Variants in PPP2R2B observed in about 807,000 individuals in gnomAD.
PPP2R2B encodes the protein serine/threonine-protein phosphatase 2A 55 kDa regulatory subunit B beta isoform.
PPP2R2B carries 5 observed loss-of-function variants against 46.0 expected under a neutral mutation model. That is an observed-to-expected ratio of 0.11 (90% CI 0.06 to 0.23). PPP2R2B has a LOEUF of 0.23. Among genes scored for constraint, PPP2R2B ranks in the 10% least tolerant of loss-of-function variants. The pLI is 1.00. For synonymous variants in PPP2R2B, 215 were observed against 206.7 expected (o/e 1.04, Z -0.34); for missense variants, 367 against 575.0 (o/e 0.64, Z 3.70).
chr5:147,012,170 T>C (rs1754768730), intron 1 of PPP2R2B, among the ~76,000 whole-genome samples: 1 of 151,888 alleles, frequency 6.6e-6, no homozygotes, highest in African/African-American at 2.4e-5. Context: ...TTCCTCCTTG[T>C]ACCTCTGGTA....
intron 1 of PPP2R2B, among the ~76,000 whole-genome samples, chr5:147,025,186 A>C (rs1290916365): frequency 1.3e-5 from 2 of 152,060 alleles, no homozygotes; most frequent in African/African-American, 4.8e-5. Flanking sequence ...GTTCAGAGGA[A>C]ATAGACAATT....
intron 1 of PPP2R2B, among the ~76,000 whole-genome samples, chr5:147,038,956 T>C (rs903997572): frequency 6.6e-6 from 1 of 152,190 alleles, no homozygotes; most frequent in East Asian, 1.9e-4. Context: ...TTTGAGATTA[T>C]TGATTTTTTT....
chr5:146,838,581 A>AAG (rs1554143393), intron 2 of PPP2R2B, among the ~76,000 whole-genome samples: 43 of 151,908 alleles, frequency 2.8e-4, no homozygotes, highest in African/African-American at 9.9e-4. Context: ...AAAAAAAAAA[A>AAG]AAAGAAAAAA....
chr5:146,643,343 G>C (rs1234828269), intron 6 of PPP2R2B, among the ~76,000 whole-genome samples: 1 of 151,466 alleles, frequency 6.6e-6, no homozygotes, highest in Non-Finnish European at 1.5e-5. Context: ...AAGCCCCCCT[G>C]ATCCATGGAG....
chr5:146,608,374 A>C (rs531606527), intron 7 of PPP2R2B, among the ~76,000 whole-genome samples: 6 of 152,360 alleles, frequency 3.9e-5, no homozygotes, highest in African/African-American at 1.4e-4. Flanking sequence ...CCTGGGCTTC[A>C]TCATCTCCAG....
chr5:147,033,266 A>G (rs951831213), intron 1 of PPP2R2B, among the ~76,000 whole-genome samples: 1 of 152,142 alleles, frequency 6.6e-6, no homozygotes, highest in Non-Finnish European at 1.5e-5. Context: ...ACCCATGTGC[A>G]TGGCTTTAAC....
intron 1 of PPP2R2B, among the ~76,000 whole-genome samples, chr5:146,991,418 G>A (rs1753693192): frequency 6.6e-6 from 1 of 152,114 alleles, no homozygotes; most frequent in Non-Finnish European, 1.5e-5. Flanking sequence ...CCAGAGGCTA[G>A]GGATGGGAGG....
intron 5 of PPP2R2B, among the ~76,000 whole-genome samples, chr5:146,660,588 C>T (rs1189573925): frequency 6.6e-6 from 1 of 152,138 alleles, no homozygotes; most frequent in African/African-American, 2.4e-5. Context: ...GAAACTGCCA[C>T]TCACCAGCAC....
At chr5:146,703,350 G>C (rs1220497131) in intron 2 of PPP2R2B, among the ~76,000 whole-genome samples, 1 of 152,156 alleles carries the variant, frequency 6.6e-6, no homozygotes, top group Admixed American at 6.5e-5. Context: ...AATAATGAGA[G>C]GGTGGTGGGA....
At chr5:146,928,203 A>G (rs564458823) in intron 1 of PPP2R2B, among the ~76,000 whole-genome samples, 3 of 152,070 alleles carry the variant, frequency 2.0e-5, no homozygotes, top group Non-Finnish European at 2.9e-5. Context: ...CTTTGCACTT[A>G]TTCCTTTGGT....
intron 6 of PPP2R2B, among the ~76,000 whole-genome samples, chr5:146,639,790 A>G (rs1177117085): frequency 6.6e-6 from 1 of 152,230 alleles, no homozygotes; most frequent in African/African-American, 2.4e-5. Context: ...AGCTTTATCT[A>G]AACAGTAACC....
Position 146,665,974 on chromosome 5 carries a change from C to A in PPP2R2B, c.448-15250G>T, listed in dbSNP as rs548004342. The stretch of plus-strand genomic sequence containing the variant: ...CTACAAACCTTTAACTTGTAAAAAA[C>A]ATACTATCTGTGAAGCACAATAAAG... On this transcript the variant is annotated intron_variant, in intron 5 of 9. Transcript: ENST00000394411. Among the ~76,000 whole-genome samples, 26 of 152,256 alleles carry A rather than the reference C, an allele frequency of 1.7e-4. No individual in the cohort carries two copies. In the South Asian group the frequency reaches 5.2e-3, roughly 30 times the overall value.
At chr5:147,069,937 C>T (rs922825370) in intron 2 of PPP2R2B, among the ~76,000 whole-genome samples, 25 of 151,570 alleles carry the variant, frequency 1.6e-4, no homozygotes, top group Non-Finnish European at 1.5e-5. Context: ...ATTACAGACG[C>T]CTGCCACCAT....
intron 2 of PPP2R2B, among the ~76,000 whole-genome samples, chr5:146,858,512 C>A (rs762390828): frequency 2.6e-5 from 4 of 152,046 alleles, no homozygotes; most frequent in Non-Finnish European, 5.9e-5. Flanking sequence ...GTAATGAGCC[C>A]ATCTTCTTAT....
intron 1 of PPP2R2B, among the ~76,000 whole-genome samples, chr5:147,042,806 T>C (rs1394719857): frequency 6.6e-6 from 1 of 151,966 alleles, no homozygotes; most frequent in East Asian, 1.9e-4. Flanking sequence ...CAGGAAGGTT[T>C]GTATGTAGGA....
chr5:146,727,777 A>C lies in PPP2R2B; in HGVS notation c.71-26635T>G, dbSNP rs58474398. Reference sequence around the variant, plus strand: ...TAACTATAATCACCAAGTTGTGCAGATCTCTAAAACTTCTTCTTCTTGTGT... The same window carrying C: ...TAACTATAATCACCAAGTTGTGCAGCTCTCTAAAACTTCTTCTTCTTGTGT... On this transcript the variant is annotated intron_variant, in intron 2 of 9. Transcript: ENST00000394411. Among the ~76,000 whole-genome samples the C allele has an allele frequency of 3.8e-3, 573 of 152,282 alleles. 6 individuals carry two copies. The highest frequency in any genetic ancestry group is 0.013 in the African/African-American group (547 of 41,554).
chr5:146,812,809 A>ATATATG lies in PPP2R2B; in HGVS notation c.70+65192_70+65193insCATATA, dbSNP rs1272317779. Among the ~76,000 whole-genome samples the ATATATG allele has an allele frequency of 2.4e-4, 15 of 62,470 alleles. 1 individual carries two copies. The highest frequency in any genetic ancestry group is 4.2e-4 in the Non-Finnish European group (14 of 33,334). 41.0% of individuals were successfully genotyped at this position (62,470 alleles called of 152,430 possible). A position where few individuals can be genotyped will look rare whatever the true frequency, so the allele number is the denominator to read the frequency against. ...TATATGTGTGTATATATATATATAT[A>ATATATG]TATATATATATATATATATACACAC... On this transcript the variant is annotated intron_variant, in intron 2 of 9. Transcript: ENST00000394411.
chr5:146,905,692 C>T (rs901704870), intron 1 of PPP2R2B, among the ~76,000 whole-genome samples: 1 of 152,164 alleles, frequency 6.6e-6, no homozygotes, highest in African/African-American at 2.4e-5. Context: ...ATTAAATACC[C>T]TCTAAATAAA....
At chr5:146,718,734 GA>G (rs1780631492) in intron 2 of PPP2R2B, among the ~76,000 whole-genome samples, 1 of 152,192 alleles carries the variant, frequency 6.6e-6, no homozygotes, top group Admixed American at 6.5e-5. Flanking sequence ...GACTGGGTGG[GA>G]AGATCTTTAT....
Sources: allele counts gnomAD v4.1 joint callset (sites outside exome capture counted in the v4.1 genomes callset), GRCh38; gene constraint gnomAD v4.1.1; transcripts MANE v1.5; gene names NCBI Gene and HGNC (gene_info 2026-07-23, HGNC 2026-07-21).